The following UBE2L3 variants were observed in gnomAD, a reference collection of about 807,000 sequenced individuals.
UBE2L3 encodes the protein ubiquitin conjugating enzyme E2 L3.
Under a neutral mutation model 17.8 loss-of-function variants are expected in UBE2L3, and 1 was observed. The ratio of observed to expected loss-of-function variants is 0.06; its 90% CI spans 0.02 to 0.27. The LOEUF is 0.27. Ranked by LOEUF, UBE2L3 falls within the 10% of genes least tolerant of loss-of-function variation. The pLI is 1.00. For missense variants in UBE2L3, 40 were observed against 192.6 expected, an observed-to-expected ratio of 0.21 and a Z score of 4.69; for synonymous variants, 44 against 68.5, an observed-to-expected ratio of 0.64 and a Z score of 1.76.
At chr22:21,614,517 G>A (rs1192448274) in intron 3 of UBE2L3, 12 of 1,295,190 alleles carry the variant, frequency 9.3e-6, no homozygotes, top group East Asian at 4.6e-5. Flanking sequence ...TGTCTCCAGA[G>A]CACCTGCTCA....
At chr22:21,563,426 G>A (rs1411496752), upstream of UBE2L3, among the ~76,000 whole-genome samples, 16 of 144,852 alleles carry the variant, frequency 1.1e-4, no homozygotes, top group Non-Finnish European at 2.3e-4. Context: ...GCCAGGCGTG[G>A]TGGCGGGCTC....
Position 21,622,535 on chromosome 22 carries a change from C to T in UBE2L3, c.*866C>T, listed in dbSNP as rs1930088072. ...CAGCCATTGTAGAAGATCTGCTGGT[C>T]CTTGCAGGCAAAGCTACAGCCAGAA... On this transcript the variant is annotated 3_prime_UTR_variant, in exon 4 of 4. Coordinates refer to ENST00000342192, the MANE Select transcript of UBE2L3 (RefSeq NM_003347.4). The T allele has an allele frequency of 6.5e-6, 1 of 152,828 alleles. No individual in the cohort carries two copies. The highest frequency in any genetic ancestry group is 2.4e-5 in the African/African-American group (1 of 41,454). 9.5% of individuals were successfully genotyped at this position (152,828 alleles called of 1,614,324 possible).
intron 1 of UBE2L3, among the ~76,000 whole-genome samples, chr22:21,586,897 T>C (rs1252221262): frequency 1.3e-4 from 17 of 130,120 alleles, no homozygotes; most frequent in Non-Finnish European, 1.9e-4. Flanking sequence ...TTTTTTTTTT[T>C]AAGATAGGTT....
intron 1 of UBE2L3, among the ~76,000 whole-genome samples, chr22:21,586,431 A>G (rs1386996462): frequency 6.6e-6 from 1 of 151,818 alleles, no homozygotes; most frequent in Admixed American, 6.6e-5. Flanking sequence ...CACCATGCCC[A>G]GCTAATTTTT....
intron 1 of UBE2L3, among the ~76,000 whole-genome samples, chr22:21,587,526 G>A (rs767035858): frequency 6.6e-6 from 1 of 152,184 alleles, no homozygotes; most frequent in Non-Finnish European, 1.5e-5. Flanking sequence ...ACCTGGCCTT[G>A]TGTGAGGGTT....
chr22:21,560,414 G>A (rs1398461590), intron 1 of UBE2L3, among the ~76,000 whole-genome samples: 1 of 151,256 alleles, frequency 6.6e-6, no homozygotes, highest in African/African-American at 2.4e-5. Context: ...CTTCTGTCTT[G>A]TAGCATCTCC....
chr22:21,614,685 T>C (rs895043578), intron 3 of UBE2L3: 6 of 1,332,578 alleles, frequency 4.5e-6, no homozygotes, highest in African/African-American at 3.0e-5. Flanking sequence ...ATGGAAGAAA[T>C]AGTAATATGA....
upstream of UBE2L3, among the ~76,000 whole-genome samples, chr22:21,562,756 C>T (rs1277748527): frequency 6.7e-5 from 10 of 148,282 alleles, no homozygotes; most frequent in East Asian, 4.1e-4. Flanking sequence ...CCACCTGCCT[C>T]GGCCTCCCAA....
intron 1 of UBE2L3, chr22:21,568,049 CCT>C (rs1256452325): frequency 2.3e-6 from 3 of 1,280,284 alleles, no homozygotes; most frequent in Non-Finnish European, 3.0e-6. Context: ...GCCGCGTCCC[CCT>C]GTCGCGGAGG....
At chr22:21,555,796 G>A (rs1926204335) in intron 1 of UBE2L3, among the ~76,000 whole-genome samples, 1 of 152,054 alleles carries the variant, frequency 6.6e-6, no homozygotes. Context: ...GCCAGGCATG[G>A]TGGCACACGC....
intron 1 of UBE2L3, among the ~76,000 whole-genome samples, chr22:21,557,423 T>C (rs1265178529): frequency 6.6e-6 from 1 of 152,144 alleles, no homozygotes; most frequent in Middle Eastern, 3.2e-3. Flanking sequence ...TAATAATAAA[T>C]AAAAATAAAT....
At chr22:21,591,425 C>T (rs1381746293) in intron 1 of UBE2L3, among the ~76,000 whole-genome samples, 1 of 152,160 alleles carries the variant, frequency 6.6e-6, no homozygotes, top group African/African-American at 2.4e-5. Context: ...TGGGGGGAAA[C>T]TTGTGCCTGT....
At chr22:21,560,273 T>C (rs1224128545) in intron 1 of UBE2L3, among the ~76,000 whole-genome samples, 1 of 152,180 alleles carries the variant, frequency 6.6e-6, no homozygotes, top group Non-Finnish European at 1.5e-5. Context: ...TCTTGCCCTC[T>C]GGCTCTGGCA....
chr22:21,591,643 A>T (rs1388079116), intron 1 of UBE2L3, among the ~76,000 whole-genome samples: 2 of 152,014 alleles, frequency 1.3e-5, no homozygotes, highest in Admixed American at 1.3e-4. Context: ...GTGTGATGGA[A>T]GTATGAGGTG....
At chr22:21,577,481 C>T (rs1232873671) in intron 1 of UBE2L3, among the ~76,000 whole-genome samples, 2 of 152,168 alleles carry the variant, frequency 1.3e-5, no homozygotes, top group Non-Finnish European at 2.9e-5. Context: ...TCCTTCTGAC[C>T]CTTGCTGCAC....
intron 1 of UBE2L3, among the ~76,000 whole-genome samples, chr22:21,585,134 G>A (rs2148414810): frequency 6.6e-6 from 1 of 152,284 alleles, no homozygotes; most frequent in South Asian, 2.1e-4. Context: ...TGCTGTTCTT[G>A]TCCTGAGCAG....
rs182748570 is a variant in UBE2L3, at chr22:21,616,576, C to T, written c.311-4939C>T. Among the ~76,000 whole-genome samples, 505 of 151,252 alleles carry T rather than the reference C, an allele frequency of 3.3e-3. 2 individuals are homozygous for T. Among genetic ancestry groups the T allele is most frequent in the Middle Eastern group, 6.8e-3 (2 of 292 alleles). On this transcript the variant is annotated intron_variant, in intron 3 of 3. Coordinates refer to ENST00000342192, the MANE Select transcript of UBE2L3 (RefSeq NM_003347.4). ...CTGAGGCAGGAGAATCACTTGAACC[C>T]GAGAGGCGGAGGTTGCAGTGAGCTG...
chr22:21,584,510 T>C (rs924157935), intron 1 of UBE2L3, among the ~76,000 whole-genome samples: 2 of 151,878 alleles, frequency 1.3e-5, no homozygotes, highest in African/African-American at 2.4e-5. Context: ...TTTATTTTAT[T>C]TTTATTTTTT....
intron 1 of UBE2L3, among the ~76,000 whole-genome samples, chr22:21,576,973 T>C (rs573683325): frequency 6.7e-6 from 1 of 150,374 alleles, no homozygotes. Flanking sequence ...CTGGCTAATT[T>C]TTTTTTTTTT....
Sources: allele counts gnomAD v4.1 joint callset (sites outside exome capture counted in the v4.1 genomes callset), GRCh38; gene constraint gnomAD v4.1.1; transcripts MANE v1.5; gene names NCBI Gene and HGNC (gene_info 2026-07-23, HGNC 2026-07-21).